The following GRM3 variants were observed in gnomAD, a reference collection of about 807,000 sequenced individuals.
The protein encoded by GRM3 is metabotropic glutamate receptor 3.
Under a neutral mutation model 70.5 loss-of-function variants are expected in GRM3, and 26 were observed. The ratio of observed to expected loss-of-function variants is 0.37; its 90% CI spans 0.27 to 0.51. The LOEUF (loss-of-function observed/expected upper bound fraction) is 0.51. Ranked by LOEUF, GRM3 falls within the 20% of genes least tolerant of loss-of-function variation. The probability of loss-of-function intolerance (pLI) is 0.93; values close to 1 mark genes in which losing one functional copy is unlikely to be tolerated. For synonymous variants in GRM3, 443 were observed against 434.9 expected (o/e 1.02, Z -0.23); for missense variants, 859 against 1,123.8 (o/e 0.76, Z 3.37).
chr7:86,849,472 G>A (rs1798718388), intron 4 of GRM3, among the ~76,000 whole-genome samples: 1 of 152,168 alleles, frequency 6.6e-6, no homozygotes, highest in Non-Finnish European at 1.5e-5. Flanking sequence ...AAAATTATGT[G>A]GCTTCTCCAG....
chr7:86,765,862 A>G (rs2116418653), intron 2 of GRM3, among the ~76,000 whole-genome samples: 1 of 152,248 alleles, frequency 6.6e-6, no homozygotes, highest in Non-Finnish European at 1.5e-5. Context: ...CAGTGGTTCA[A>G]ATAAGAATAT....
chr7:86,699,548 A>T (rs1021822312), intron 1 of GRM3, among the ~76,000 whole-genome samples: 8 of 152,052 alleles, frequency 5.3e-5, no homozygotes, highest in Non-Finnish European at 1.0e-4. Flanking sequence ...CAGAATACCT[A>T]CAAGTCATGG....
At position 86,850,372 on chromosome 7, in the gene GRM3, G is replaced by A. The variant is rs574025418; in HGVS notation, c.2394G>A (p.Val798=). ...IFYVTSSDYR[V]QTTTMCISVS... Reference sequence around the variant, plus strand: ...TACTAGCCAACCTTCTCTTGTAGGTGCAGACGACAACCATGTGCATCTCTG... The same window carrying A: ...TACTAGCCAACCTTCTCTTGTAGGTACAGACGACAACCATGTGCATCTCTG... The change falls in exon 5 of 6, where the codon GTG becomes GTA. Residue 798 remains valine (V), a splice_region_variant and synonymous_variant. Transcript: ENST00000361669. 102 of 1,611,350 alleles carry A rather than the reference G, an allele frequency of 6.3e-5. No individual in the cohort carries two copies. In the South Asian group the frequency reaches 1.1e-3, roughly 17 times the overall value.
chr7:86,705,081 G>A (rs1315367320), intron 1 of GRM3, among the ~76,000 whole-genome samples: 2 of 151,770 alleles, frequency 1.3e-5, no homozygotes, highest in Non-Finnish European at 2.9e-5. Context: ...TTTTAATAAG[G>A]GAACTTATGT....
chr7:86,781,542 T>A (rs720025), intron 2 of GRM3, among the ~76,000 whole-genome samples: 50,500 of 151,988 alleles, frequency 0.33, 9,000 homozygotes, highest in African/African-American at 0.48. Context: ...CCTTGTTTCC[T>A]GAGAGGGAAA....
Position 86,760,822 on chromosome 7 carries a change from C to T in GRM3, c.-140-4184C>T, listed in dbSNP as rs79889297. On this transcript the variant is annotated intron_variant, in intron 1 of 5. Coordinates refer to ENST00000361669, the MANE Select transcript of GRM3 (RefSeq NM_000840.3). Reference sequence around the variant, plus strand: ...TTTGATTTGTAATTCTCTAAAATGACATTAAATGTTACTTAGATATGCCCT... The same window carrying T: ...TTTGATTTGTAATTCTCTAAAATGATATTAAATGTTACTTAGATATGCCCT... Among the ~76,000 whole-genome samples the T allele has an allele frequency of 8.7e-3, 1,326 of 152,102 alleles. 14 individuals are homozygous for T. Among genetic ancestry groups the T allele is most frequent in the African/African-American group, 0.03 (1,264 of 41,502 alleles).
At chr7:86,757,815 T>G (rs1355139139) in intron 1 of GRM3, among the ~76,000 whole-genome samples, 1 of 152,172 alleles carries the variant, frequency 6.6e-6, no homozygotes, top group Admixed American at 6.5e-5. Flanking sequence ...TGCTTCATAT[T>G]TTTTCTACAA....
chr7:86,724,577 G>A (rs1298268540), intron 1 of GRM3, among the ~76,000 whole-genome samples: 2 of 152,108 alleles, frequency 1.3e-5, no homozygotes, highest in Non-Finnish European at 2.9e-5. Context: ...TCCTAAATGA[G>A]TACCAAAATC....
At chr7:86,799,671 C>T (rs529669682) in intron 3 of GRM3, among the ~76,000 whole-genome samples, 4 of 152,068 alleles carry the variant, frequency 2.6e-5, no homozygotes, top group South Asian at 2.1e-4. Context: ...GGACTACAGG[C>T]GCCCACCACC....
intron 3 of GRM3, among the ~76,000 whole-genome samples, chr7:86,793,776 G>A (rs935293683): frequency 6.6e-6 from 1 of 152,022 alleles, no homozygotes; most frequent in Non-Finnish European, 1.5e-5. Context: ...GCTTTCTGCT[G>A]CTGCTGCTGC....
intron 1 of GRM3, among the ~76,000 whole-genome samples, chr7:86,702,883 G>A (rs2116107871): frequency 6.6e-6 from 1 of 152,026 alleles, no homozygotes; most frequent in Non-Finnish European, 1.5e-5. Flanking sequence ...AGACGTTAGA[G>A]TTACCCTTAA....
intron 3 of GRM3, among the ~76,000 whole-genome samples, chr7:86,821,293 G>A (rs1188361763): frequency 6.6e-6 from 1 of 151,510 alleles, no homozygotes; most frequent in African/African-American, 2.4e-5. Context: ...ATAATTCTGT[G>A]AACAGACCTA....
Position 86,765,372 on chromosome 7 carries a change from TTGA to T in GRM3, c.231_233del (p.Asp77del). ...CGCCTGGAAGCCATGTTGTTTGCTA[TTGA>T]TGAAATCAACAAAGATGATTACTTG... On this transcript the variant is annotated inframe_deletion, in exon 2 of 6. Coordinates refer to ENST00000361669, the MANE Select transcript of GRM3 (RefSeq NM_000840.3). 1 of 1,613,946 alleles carries T rather than the reference TTGA, an allele frequency of 6.2e-7. No individual in the cohort carries two copies. Among genetic ancestry groups the T allele is most frequent in the Non-Finnish European group, 8.5e-7 (1 of 1,179,890 alleles).
At chr7:86,776,461 C>T (rs199704439) in intron 2 of GRM3, among the ~76,000 whole-genome samples, 1 of 152,020 alleles carries the variant, frequency 6.6e-6, no homozygotes, top group African/African-American at 2.4e-5. Context: ...ATTCTGTTTG[C>T]TACAATATGG....
intron 3 of GRM3, among the ~76,000 whole-genome samples, chr7:86,792,060 A>G (rs932801515): frequency 3.9e-5 from 6 of 152,254 alleles, no homozygotes; most frequent in Admixed American, 3.3e-4. Context: ...AGCTTAAACT[A>G]TGCAATACAG....
chr7:86,740,608 C>T (rs1795963835), intron 1 of GRM3, among the ~76,000 whole-genome samples: 1 of 152,038 alleles, frequency 6.6e-6, no homozygotes, highest in African/African-American at 2.4e-5. Context: ...TTTAAAAATC[C>T]ATAAGAAATT....
chr7:86,686,903 C>T (rs1794581388), intron 1 of GRM3, among the ~76,000 whole-genome samples: 1 of 151,328 alleles, frequency 6.6e-6, no homozygotes, highest in African/African-American at 2.4e-5. Context: ...TCAGTGGAAA[C>T]CTGAAATTCA....
intron 1 of GRM3, among the ~76,000 whole-genome samples, chr7:86,657,480 G>C (rs946065426): frequency 3.2e-4 from 48 of 152,216 alleles, no homozygotes; most frequent in African/African-American, 1.1e-3. Flanking sequence ...CAAAAGCAGA[G>C]AGCTAGAATG....
chr7:86,722,823 G>A (rs112944167), intron 1 of GRM3, among the ~76,000 whole-genome samples: 40 of 152,132 alleles, frequency 2.6e-4, no homozygotes, highest in African/African-American at 9.2e-4. Flanking sequence ...TCCTCTTTAC[G>A]TTGTAAGAAT....
Sources: allele counts gnomAD v4.1 joint callset (sites outside exome capture counted in the v4.1 genomes callset), GRCh38; gene constraint gnomAD v4.1.1; transcripts MANE v1.5; gene names NCBI Gene and HGNC (gene_info 2026-07-23, HGNC 2026-07-21).